The following CAMK2D variants were observed in gnomAD, a reference collection of about 807,000 sequenced individuals.
CAMK2D encodes calcium/calmodulin-dependent protein kinase type II subunit delta.
A neutral mutation model predicts 84.0 loss-of-function variants in CAMK2D; 37 were observed. The observed-to-expected ratio is 0.44, with a 90% CI of 0.34 to 0.58. CAMK2D has a LOEUF of 0.58. CAMK2D is among the 20% of genes least tolerant of loss of function. The probability of loss-of-function intolerance (pLI) is 0.02; values close to 1 mark genes in which losing one functional copy is unlikely to be tolerated. For missense variants in CAMK2D, 448 were observed against 652.5 expected, an observed-to-expected ratio of 0.69 and a Z score of 3.41; for synonymous variants, 202 against 212.5, an observed-to-expected ratio of 0.95 and a Z score of 0.43.
chr4:113,750,162 A>G (rs958234019), intron 2 of CAMK2D, among the ~76,000 whole-genome samples: 2 of 152,232 alleles, frequency 1.3e-5, no homozygotes, highest in African/African-American at 4.8e-5. Flanking sequence ...TGAAATATCT[A>G]TTGAAAGGAC....
intron 16 of CAMK2D, among the ~76,000 whole-genome samples, chr4:113,485,793 C>T (rs1333344789): frequency 6.6e-6 from 1 of 152,126 alleles, no homozygotes; most frequent in South Asian, 2.1e-4. Context: ...ATAACTAGCA[C>T]CTTCCCTCCT....
chr4:113,516,711 C>T (rs1302182548), intron 9 of CAMK2D, among the ~76,000 whole-genome samples: 1 of 152,164 alleles, frequency 6.6e-6, no homozygotes, highest in African/African-American at 2.4e-5. Context: ...TCTCCTCTCA[C>T]TTTCACATTG....
At chr4:113,493,201 A>C (rs1176517444) in intron 16 of CAMK2D, among the ~76,000 whole-genome samples, 1 of 149,520 alleles carries the variant, frequency 6.7e-6, no homozygotes, top group Non-Finnish European at 1.5e-5. Flanking sequence ...TTAGCTGGTT[A>C]TTTTGCTCGT....
chr4:113,737,453 A>G (rs2099583783), intron 2 of CAMK2D, among the ~76,000 whole-genome samples: 1 of 152,222 alleles, frequency 6.6e-6, no homozygotes, highest in African/African-American at 2.4e-5. Flanking sequence ...TCACAGAGAC[A>G]GAGTGCAAGG....
intron 4 of CAMK2D, among the ~76,000 whole-genome samples, chr4:113,585,649 T>C (rs1186681078): frequency 6.9e-6 from 1 of 145,070 alleles, no homozygotes; most frequent in Non-Finnish European, 1.5e-5. Flanking sequence ...CAGTATAGTA[T>C]AGATTAGTAT....
At chr4:113,601,683 CT>C (rs755850795) in intron 4 of CAMK2D, among the ~76,000 whole-genome samples, 467 of 45,810 alleles carry the variant, frequency 0.01, 1 homozygote, top group East Asian at 0.043. Flanking sequence ...ACTGTTTATT[CT>C]TTTTTTTTTT....
chr4:113,675,727 G>T (rs2099315697), intron 2 of CAMK2D, among the ~76,000 whole-genome samples: 1 of 151,944 alleles, frequency 6.6e-6, no homozygotes, highest in Non-Finnish European at 1.5e-5. Flanking sequence ...AAAATTCCAT[G>T]TAAAGTTCAT....
rs549365317 is a variant in CAMK2D, at chr4:113,561,827, C to A, written c.276-9731G>T. ...ACTTAGTAATTGTTTCTAGGTTTAA[C>A]ATTCATGCTCACAAGTTCTTCATGC... On this transcript the variant is annotated intron_variant, in intron 4 of 20. Coordinates refer to ENST00000511664, the MANE Select transcript of CAMK2D (RefSeq NM_001321571.2). Among the ~76,000 whole-genome samples the A allele has an allele frequency of 1.2e-4, 19 of 152,324 alleles. No individual in the cohort carries two copies. In the South Asian group the frequency reaches 1.9e-3, roughly 15 times the overall value.
intron 16 of CAMK2D, among the ~76,000 whole-genome samples, chr4:113,468,671 T>G (rs1210703657): frequency 1.3e-5 from 2 of 151,802 alleles, no homozygotes; most frequent in African/African-American, 2.4e-5. Flanking sequence ...GTCAGTGGCT[T>G]GGACAGACAA....
chr4:113,598,049 A>G (rs1467930960), intron 4 of CAMK2D, among the ~76,000 whole-genome samples: 2 of 152,310 alleles, frequency 1.3e-5, no homozygotes, highest in South Asian at 2.1e-4. Flanking sequence ...AGTTCATATG[A>G]AAAGAAAAAA....
intron 3 of CAMK2D, among the ~76,000 whole-genome samples, chr4:113,654,246 GGAAAA>G (rs1427649746): frequency 6.6e-6 from 1 of 151,708 alleles, no homozygotes; most frequent in Non-Finnish European, 1.5e-5. Flanking sequence ...TTAAATTTTA[GGAAAA>G]GAAAATTATA....
chr4:113,518,319 A>G (rs897191497), intron 8 of CAMK2D, among the ~76,000 whole-genome samples: 7 of 152,208 alleles, frequency 4.6e-5, no homozygotes, highest in African/African-American at 1.7e-4. Context: ...CAAAGTAATA[A>G]TAACAATAAA....
chr4:113,674,960 C>A (rs561415495), intron 2 of CAMK2D, among the ~76,000 whole-genome samples: 3 of 152,168 alleles, frequency 2.0e-5, no homozygotes, highest in Admixed American at 1.3e-4. Flanking sequence ...GGGACTGTGA[C>A]CAGAAGCCTC....
At chr4:113,542,693 C>T (rs1227809330) in intron 6 of CAMK2D, among the ~76,000 whole-genome samples, 1 of 146,012 alleles carries the variant, frequency 6.8e-6, no homozygotes, top group Non-Finnish European at 1.5e-5. Context: ...CCAGCCTGGG[C>T]AACAGAGCGA....
intron 2 of CAMK2D, among the ~76,000 whole-genome samples, chr4:113,718,480 T>G (rs2099520292): frequency 6.6e-6 from 1 of 152,148 alleles, no homozygotes; most frequent in Non-Finnish European, 1.5e-5. Context: ...TCTCAAACTA[T>G]GATCTTAGGT....
chr4:113,607,426 C>T (rs961532302), intron 4 of CAMK2D, among the ~76,000 whole-genome samples: 8 of 152,226 alleles, frequency 5.3e-5, no homozygotes, highest in African/African-American at 1.9e-4. Context: ...CCTGCAGGTA[C>T]GCATTAAGAT....
chr4:113,589,186 TG>T (rs1487856937), intron 4 of CAMK2D, among the ~76,000 whole-genome samples: 1 of 151,150 alleles, frequency 6.6e-6, no homozygotes, highest in African/African-American at 2.4e-5. Context: ...AGCAGAGGAG[TG>T]GCATGCTCTT....
intron 12 of CAMK2D, among the ~76,000 whole-genome samples, chr4:113,512,701 T>C (rs2098231536): frequency 6.6e-6 from 1 of 152,180 alleles, no homozygotes; most frequent in East Asian, 1.9e-4. Flanking sequence ...GCCTCCCAAG[T>C]AGCTGGGACA....
At chr4:113,587,828 T>C (rs1158772285) in intron 4 of CAMK2D, among the ~76,000 whole-genome samples, 1 of 152,120 alleles carries the variant, frequency 6.6e-6, no homozygotes, top group Non-Finnish European at 1.5e-5. Context: ...CCCAAGTGTT[T>C]TGGGTTTCAC....
Sources: allele counts gnomAD v4.1 joint callset (sites outside exome capture counted in the v4.1 genomes callset), GRCh38; gene constraint gnomAD v4.1.1; transcripts MANE v1.5; gene names NCBI Gene and HGNC (gene_info 2026-07-23, HGNC 2026-07-21).